Variants in ZNF544 observed in about 807,000 individuals in gnomAD.
ZNF544 encodes the protein zinc finger protein 544, also known as zinc finger protein AF020591.
A neutral mutation model predicts 13.5 loss-of-function variants in ZNF544; 10 were observed. The ratio of observed to expected loss-of-function variants is 0.74; its 90% CI spans 0.46 to 1.25. The LOEUF (loss-of-function observed/expected upper bound fraction) is 1.25, where lower values mean the gene tolerates loss of function less well. ZNF544 is among the 50% of genes most tolerant of loss of function. The pLI, the probability that ZNF544 is intolerant of heterozygous loss-of-function variation, is 0.00. For synonymous variants in ZNF544, 323 were observed against 300.5 expected (o/e 1.07, Z -0.77); for missense variants, 896 against 845.6 (o/e 1.06, Z -0.74).
chr19:58,266,212 C>CAAA (rs760851818), downstream of ZNF544, among the ~76,000 whole-genome samples: 13,597 of 45,998 alleles, frequency 0.3, 2,607 homozygotes, highest in Middle Eastern at 0.39. Flanking sequence ...GACTCTGTCT[C>CAAA]AAAAAAAAAA....
At chr19:58,257,764 C>T (rs540836802) in intron 6 of ZNF544, 1 of 152,362 alleles carries the variant, frequency 6.6e-6, no homozygotes, top group Non-Finnish European at 1.5e-5. Context: ...CATAGTTTTG[C>T]CTTTTTCAGA....
chr19:58,229,617 GA>G (rs2040761684), intron 2 of ZNF544, 47 bp downstream of exon 2: 1 of 152,346 alleles, frequency 6.6e-6, no homozygotes, highest in Non-Finnish European at 1.5e-5. Context: ...TTTTCCAAGT[GA>G]ACAGAAGATT....
At chr19:58,274,138 A>T (rs1317420381) in intron 5 of ZNF544, among the ~76,000 whole-genome samples, 2 of 152,196 alleles carry the variant, frequency 1.3e-5, no homozygotes, top group African/African-American at 4.8e-5. Flanking sequence ...TATTTGGTGT[A>T]TTAGGAATTA....
At chr19:58,256,588 A>C (rs938950563) in intron 6 of ZNF544, among the ~76,000 whole-genome samples, 2 of 152,208 alleles carry the variant, frequency 1.3e-5, no homozygotes, top group Admixed American at 6.5e-5. Flanking sequence ...CAAGGTTCTA[A>C]ATCTTTCATT....
intron 3 of ZNF544, among the ~76,000 whole-genome samples, chr19:58,243,471 C>T (rs1158076015): frequency 7.4e-6 from 1 of 135,082 alleles, no homozygotes; most frequent in East Asian, 2.0e-4. Context: ...ACAGGCATGC[C>T]CTGGCAGTAG....
In ZNF544 at chr19:58,262,191, T is replaced by A. The variant is rs770334860; in HGVS notation, c.1585T>A (p.Phe529Ile). 7 of 1,613,628 alleles carry A rather than the reference T, an allele frequency of 4.3e-6. No homozygotes were observed. In the Admixed American group the frequency reaches 1.2e-4, roughly 27 times the overall value. ...PYECNLCGKS[F>I]SQSSKLITHQ... ...TGAGTGCAACCTGTGTGGGAAATCC[T>A]TCTCCCAGAGTTCCAAACTTATTAC... The change falls in exon 7 of 7, where the codon TTC becomes ATC. Residue 529 changes from phenylalanine (F) to isoleucine (I), a missense_variant. Phe to Ile is a conservative substitution (Grantham distance 21). Coordinates refer to ENST00000687789, the MANE Select transcript of ZNF544 (RefSeq NM_014480.4).
rs1210640729 is a variant in ZNF544 at position 58,262,603 on chromosome 19, G to A, written c.1997G>A (p.Gly666Glu). 6.2e-7 allele frequency: 1 copy of A among 1,614,158 alleles called. No individual in the cohort carries two copies. Among genetic ancestry groups the A allele is most frequent in the Non-Finnish European group, 8.5e-7 (1 of 1,180,028 alleles). ...AAACCTTTTGAGTGTAGTCAGTGTG[G>A]GAAAGCCTTTTCAGGGAGCTCTAAC... ...GEKPFECSQCGKAFSGSSNLL... is the reference protein window; with the variant it reads ...GEKPFECSQCEKAFSGSSNLL... Residue 666 changes from glycine (G) to glutamate (E), a missense_variant, in exon 7 of 7, where the codon GGG becomes GAG. Transcript: ENST00000687789.
At chr19:58,268,721 A>C (rs2050240656), downstream of ZNF544, among the ~76,000 whole-genome samples, 1 of 152,242 alleles carries the variant, frequency 6.6e-6, no homozygotes, top group South Asian at 2.1e-4. Context: ...GACGAAGGAA[A>C]AGAGGAAGTT....
chr19:58,254,134 G>A (rs540725846), intron 6 of ZNF544, among the ~76,000 whole-genome samples: 2 of 152,096 alleles, frequency 1.3e-5, no homozygotes, highest in Non-Finnish European at 2.9e-5. Context: ...TGAGGCAGGA[G>A]AATGGCGTGA....
At chr19:58,277,139 T>C in intron 6 of ZNF544, 1 of 1,223,628 alleles carries the variant, frequency 8.2e-7, no homozygotes, top group Non-Finnish European at 1.0e-6. Flanking sequence ...AACCATGTCC[T>C]CTCATAATTT....
intron 3 of ZNF544, chr19:58,242,360 C>A: frequency 1.2e-6 from 1 of 853,554 alleles, no homozygotes; most frequent in Non-Finnish European, 1.4e-6. Flanking sequence ...TTCTGCAATT[C>A]ATGGCTTGAT....
chr19:58,247,600 T>C (rs2045523054), intron 6 of ZNF544: 1 of 151,794 alleles, frequency 6.6e-6, no homozygotes, highest in African/African-American at 2.4e-5. Flanking sequence ...TTCTCCATGT[T>C]GGTCAGGCTG....
At chr19:58,235,805 A>G (rs1600217718) in intron 3 of ZNF544, among the ~76,000 whole-genome samples, 3 of 152,214 alleles carry the variant, frequency 2.0e-5, no homozygotes, top group Admixed American at 2.0e-4. Flanking sequence ...TCATGCCTGT[A>G]ATCTCAGCAC....
rs1179551401 is a variant in ZNF544 at position 58,261,650 on chromosome 19, G to A, written c.1044G>A (p.Gln348=). Residue 348 remains glutamine (Q), a synonymous_variant, in exon 7 of 7, where the codon CAG becomes CAA. Coordinates refer to ENST00000687789, the MANE Select transcript of ZNF544 (RefSeq NM_014480.4). Reference sequence around the variant, plus strand: ...CTTTTTCTGACTGTAACATCATTCAGACTACAGAGAAGCCATCTGTGTGTA... The same window carrying A: ...CTTTTTCTGACTGTAACATCATTCAAACTACAGAGAAGCCATCTGTGTGTA... ...ASSFSDCNII[Q]TTEKPSVCNQ... The A allele has an allele frequency of 9.3e-6, 15 of 1,614,102 alleles. No homozygotes were observed. Among genetic ancestry groups the A allele is most frequent in the Non-Finnish European group, 1.3e-5 (15 of 1,180,044 alleles).
intron 6 of ZNF544, among the ~76,000 whole-genome samples, chr19:58,254,966 C>A (rs1374112826): frequency 6.6e-6 from 1 of 151,484 alleles, no homozygotes; most frequent in African/African-American, 2.4e-5. Flanking sequence ...CGGCTCACTG[C>A]AAGCTCCGCC....
intron 4 of ZNF544, 71 bp downstream of exon 4, chr19:58,244,127 G>A (rs2044536352): frequency 3.7e-6 from 5 of 1,336,018 alleles, no homozygotes; most frequent in South Asian, 1.3e-5. Context: ...AATAGCACCC[G>A]CCCCTGCAGG....
intron 5 of ZNF544, among the ~76,000 whole-genome samples, chr19:58,275,783 C>CAAAAAAAAAAAAAAAAAA (rs57148438): frequency 4.5e-5 from 3 of 66,224 alleles, no homozygotes; most frequent in African/African-American, 1.8e-4. Context: ...GACCCTGTCT[C>CAAAAAAAAAAAAAAAAAA]AAAAAAAAAA....
chr19:58,229,853 T>C (rs536948848), intron 2 of ZNF544: 3 of 152,452 alleles, frequency 2.0e-5, no homozygotes, highest in Non-Finnish European at 2.9e-5. Context: ...TTCAAGAGTC[T>C]AAGGGAGTAG....
At chr19:58,252,314 C>A (rs1197557486) in intron 6 of ZNF544, among the ~76,000 whole-genome samples, 1 of 152,192 alleles carries the variant, frequency 6.6e-6, no homozygotes, top group Non-Finnish European at 1.5e-5. Flanking sequence ...TCACGACTTA[C>A]ACAGACCTTC....
Sources: allele counts gnomAD v4.1 joint callset (sites outside exome capture counted in the v4.1 genomes callset), GRCh38; gene constraint gnomAD v4.1.1; transcripts MANE v1.5; gene names NCBI Gene and HGNC (gene_info 2026-07-23, HGNC 2026-07-21).